AFG2A: variants seen among roughly 807,000 people sequenced by gnomAD.
AFG2A encodes the protein AAA ATPase AFG2A.
the AFG2A span, among the ~76,000 whole-genome samples, chr4:123,186,962 A>C: frequency 2.0e-5 from 3 of 152,258 alleles, no homozygotes; most frequent in East Asian, 3.9e-4. Flanking sequence ...CCAAAAGACT[A>C]GTTTGTCATT....
chr4:122,973,655 G>A, the AFG2A span, among the ~76,000 whole-genome samples: 13 of 152,076 alleles, frequency 8.5e-5, no homozygotes, highest in Non-Finnish European at 1.9e-4. Context: ...GGTACATTAA[G>A]TTGTGCTATG....
chr4:123,307,383 C>CACACACAA, the AFG2A span, among the ~76,000 whole-genome samples: 1 of 152,084 alleles, frequency 6.6e-6, no homozygotes, highest in African/African-American at 2.4e-5. Context: ...GATACACACA[C>CACACACAA]ACACACAAAC....
At chr4:123,107,952 G>GA in the AFG2A span, among the ~76,000 whole-genome samples, 1 of 152,320 alleles carries the variant, frequency 6.6e-6, no homozygotes, top group East Asian at 1.9e-4. Context: ...GAGCCTGCAG[G>GA]GGCAGGAGGG....
the AFG2A span, among the ~76,000 whole-genome samples, chr4:123,001,583 G>A: frequency 6.6e-6 from 1 of 151,446 alleles, no homozygotes; most frequent in African/African-American, 2.4e-5. Flanking sequence ...TTCAGGAGCA[G>A]GTTGTTCAGT....
the AFG2A span, among the ~76,000 whole-genome samples, chr4:123,308,293 A>G: frequency 6.6e-6 from 1 of 152,166 alleles, no homozygotes; most frequent in African/African-American, 2.4e-5. Flanking sequence ...GTATTAAACA[A>G]TTTTAGTTAT....
chr4:123,012,713 C>T, the AFG2A span, among the ~76,000 whole-genome samples: 2 of 152,150 alleles, frequency 1.3e-5, no homozygotes, highest in South Asian at 2.1e-4. Context: ...AAGACAAGGG[C>T]GAGACTGAAG....
the AFG2A span, among the ~76,000 whole-genome samples, chr4:123,243,373 T>C: frequency 6.6e-5 from 10 of 152,086 alleles, no homozygotes; most frequent in Admixed American, 6.6e-4. Flanking sequence ...ATAGACTAGA[T>C]TAAGAAAATG....
chr4:123,161,621 G>A, the AFG2A span, among the ~76,000 whole-genome samples: 7 of 152,260 alleles, frequency 4.6e-5, no homozygotes, highest in African/African-American at 1.7e-4. Flanking sequence ...AGGCAAGGAA[G>A]TTGAAATCAC....
the AFG2A span, among the ~76,000 whole-genome samples, chr4:123,166,691 A>G: frequency 6.6e-6 from 1 of 152,190 alleles, no homozygotes; most frequent in Non-Finnish European, 1.5e-5. Context: ...GACTTTCCTC[A>G]CCTAGTTGGG....
At chr4:122,972,766 T>A in the AFG2A span, among the ~76,000 whole-genome samples, 42 of 152,204 alleles carry the variant, frequency 2.8e-4, no homozygotes, top group South Asian at 6.6e-3. Flanking sequence ...TTATTCATTC[T>A]CCTGAGGTCA....
chr4:123,073,577 G>T, the AFG2A span, among the ~76,000 whole-genome samples: 1 of 151,984 alleles, frequency 6.6e-6, no homozygotes, highest in South Asian at 2.1e-4. Context: ...CTCTTTTTAT[G>T]TGTTTGTTCC....
chr4:123,112,711 T>C, the AFG2A span, among the ~76,000 whole-genome samples: 1 of 152,194 alleles, frequency 6.6e-6, no homozygotes, highest in Non-Finnish European at 1.5e-5. Context: ...ACATTTTTTT[T>C]TTCTGTTTCC....
At chr4:123,275,726 A>T in the AFG2A span, among the ~76,000 whole-genome samples, 1 of 151,976 alleles carries the variant, frequency 6.6e-6, no homozygotes, top group Non-Finnish European at 1.5e-5. Flanking sequence ...TTACCTTCTT[A>T]TAAGTGAGAA....
the AFG2A span, among the ~76,000 whole-genome samples, chr4:122,964,695 A>G: frequency 1.3e-5 from 2 of 152,194 alleles, no homozygotes; most frequent in Admixed American, 1.3e-4. Flanking sequence ...TGCCTTCCAC[A>G]GTGCCATTAC....
chr4:123,083,571 T>A, the AFG2A span, among the ~76,000 whole-genome samples: 1 of 151,358 alleles, frequency 6.6e-6, no homozygotes. Flanking sequence ...TTTTTTTTTT[T>A]TTCTTTTTTT....
At chr4:123,046,172 A>G in the AFG2A span, among the ~76,000 whole-genome samples, 3 of 151,772 alleles carry the variant, frequency 2.0e-5, no homozygotes, top group Non-Finnish European at 1.5e-5. Flanking sequence ...TTTCGTTTTT[A>G]TGGGATCATA....
the AFG2A span, among the ~76,000 whole-genome samples, chr4:123,203,009 C>T: frequency 9.9e-5 from 12 of 120,804 alleles, no homozygotes; most frequent in East Asian, 4.7e-4. Flanking sequence ...GATGACAGAG[C>T]GAGACTCCAT....
the AFG2A span, among the ~76,000 whole-genome samples, chr4:123,298,230 C>T: frequency 6.6e-6 from 1 of 152,118 alleles, no homozygotes; most frequent in Admixed American, 6.5e-5. Flanking sequence ...GTTTTGATTA[C>T]TGGAATTGAG....
At chr4:123,022,182 C>A in the AFG2A span, among the ~76,000 whole-genome samples, 20 of 151,968 alleles carry the variant, frequency 1.3e-4, no homozygotes. Flanking sequence ...CCAAAATTGA[C>A]AAATGGGATC....
Sources: gnomAD v4.1 joint callset for allele counts (sites outside exome capture counted in the v4.1 genomes callset) on GRCh38, gnomAD v4.1.1 for gene constraint, MANE v1.5 for transcripts, NCBI Gene and HGNC (gene_info 2026-07-23, HGNC 2026-07-21) for gene names.